Variants in FAM118B observed in about 807,000 individuals in gnomAD.
FAM118B encodes protein FAM118B.
A neutral mutation model predicts 38.5 loss-of-function variants in FAM118B; 24 were observed. The observed-to-expected ratio is 0.62, with a 90% CI of 0.45 to 0.88. FAM118B has a LOEUF of 0.88. FAM118B is among the 40% of genes least tolerant of loss of function. The pLI is 0.00. For synonymous variants in FAM118B, 138 were observed against 156.3 expected (o/e 0.88, Z 0.87); for missense variants, 334 against 420.0 (o/e 0.80, Z 1.79).
intron 3 of FAM118B, among the ~76,000 whole-genome samples, chr11:126,237,462 T>C (rs1277070779): frequency 6.9e-6 from 1 of 145,574 alleles, no homozygotes; most frequent in Non-Finnish European, 1.5e-5. Flanking sequence ...GATCTCAAAC[T>C]CCTGACCTCA....
chr11:126,212,994 G>C (rs532087932), intron 1 of FAM118B, among the ~76,000 whole-genome samples: 1 of 152,298 alleles, frequency 6.6e-6, no homozygotes, highest in African/African-American at 2.4e-5. Flanking sequence ...AGGAAAACTA[G>C]TTACAATCTA....
chr11:126,249,279 A>G (rs1025007461), intron 4 of FAM118B, among the ~76,000 whole-genome samples: 5 of 152,230 alleles, frequency 3.3e-5, no homozygotes, highest in African/African-American at 1.2e-4. Context: ...TGCAAAATGC[A>G]AATTTTTAAT....
chr11:126,214,055 A>C (rs1949930041), intron 1 of FAM118B, among the ~76,000 whole-genome samples: 1 of 152,176 alleles, frequency 6.6e-6, no homozygotes, highest in Non-Finnish European at 1.5e-5. Context: ...TCTCAGTATA[A>C]AGAATTTATG....
At chr11:126,241,681 G>A (rs1028230674) in intron 4 of FAM118B, among the ~76,000 whole-genome samples, 1 of 151,898 alleles carries the variant, frequency 6.6e-6, no homozygotes, top group Non-Finnish European at 1.5e-5. Flanking sequence ...TCCTGAGTAG[G>A]TGGGATTACA....
chr11:126,214,490 GTTTTTTTTTTTTGTTTTTTTTTTGTT>G (rs1949944256), intron 1 of FAM118B: 2 of 25,814 alleles, frequency 7.7e-5, no homozygotes, highest in African/African-American at 2.8e-4. Context: ...TTTTGTTTCT[GTTTTTTTTTTTTGTTTTTTTTTTGTT>G]TTTTTTTTTT....
chr11:126,224,761 G>T (rs1052146615), intron 1 of FAM118B, among the ~76,000 whole-genome samples: 1 of 152,234 alleles, frequency 6.6e-6, no homozygotes, highest in African/African-American at 2.4e-5. Flanking sequence ...TTGAGGAACA[G>T]TGAAGAGGCC....
At chr11:126,248,358 CTTTT>C (rs1167017613) in intron 4 of FAM118B, among the ~76,000 whole-genome samples, 10 of 36,966 alleles carry the variant, frequency 2.7e-4, no homozygotes, top group African/African-American at 1.2e-3. Flanking sequence ...TAGTAGTTGA[CTTTT>C]TTTTTTTTTT....
intron 2 of FAM118B, among the ~76,000 whole-genome samples, chr11:126,234,115 C>T (rs1950241946): frequency 6.6e-6 from 1 of 152,182 alleles, no homozygotes; most frequent in Non-Finnish European, 1.5e-5. Flanking sequence ...TCTAATAAAA[C>T]AGTAAACTTG....
upstream of FAM118B, chr11:126,211,770 C>T (rs1949880043): frequency 9.9e-7 from 1 of 1,013,520 alleles, no homozygotes; most frequent in Non-Finnish European, 1.4e-6. Context: ...ACGGTGCGCG[C>T]TCAGTGCGGC....
At chr11:126,231,009 A>T (rs981909279) in intron 2 of FAM118B, among the ~76,000 whole-genome samples, 3 of 152,006 alleles carry the variant, frequency 2.0e-5, no homozygotes, top group African/African-American at 7.2e-5. Flanking sequence ...TTCCTTTTTC[A>T]TCCACCAGAG....
At chr11:126,242,999 C>G (rs144249715) in intron 4 of FAM118B, among the ~76,000 whole-genome samples, 1 of 152,326 alleles carries the variant, frequency 6.6e-6, no homozygotes, top group Non-Finnish European at 1.5e-5. Flanking sequence ...AACAAAATGT[C>G]TGTCCATGCA....
intron 3 of FAM118B, among the ~76,000 whole-genome samples, chr11:126,239,157 C>T (rs1418018237): frequency 6.6e-6 from 1 of 151,614 alleles, no homozygotes; most frequent in Non-Finnish European, 1.5e-5. Context: ...CTTTGTTTGG[C>T]AGAGATGGGG....
In FAM118B at chr11:126,255,038, TTTA is replaced by T. The variant is rs1321897344; in HGVS notation, c.696+609_696+611del. ...ATTAGTACCCTTTATCATCATTTGG[TTTA>T]TTAATAGCCCTCTCTGTGTCAGAAA... On this transcript the variant is annotated intron_variant, in intron 6 of 8. Transcript: ENST00000533050. This position sits in a 1 kb window ranked among gnomAD's most constrained non-coding sequence, Gnocchi z 4.6. Among the ~76,000 whole-genome samples the T allele has an allele frequency of 2.0e-5, 3 of 152,204 alleles. No individual in the cohort carries two copies. Among genetic ancestry groups the T allele is most frequent in the African/African-American group, 7.2e-5 (3 of 41,462 alleles).
At chr11:126,238,972 C>CT (rs533350695) in intron 3 of FAM118B, among the ~76,000 whole-genome samples, 23,211 of 129,796 alleles carry the variant, frequency 0.18, 2,350 homozygotes, top group Non-Finnish European at 0.24. Context: ...AAGTGGAAGT[C>CT]TTTTTTTTTT....
rs1372518044 is a variant in FAM118B, at chr11:126,255,160, C to A, written c.696+727C>A. The stretch of plus-strand genomic sequence containing the variant: ...TGGCAATGGGCTTATATTGAATTAA[C>A]CACATTTATTCACACTTACTCTTTG... On this transcript the variant is annotated intron_variant, in intron 6 of 8. Transcript: ENST00000533050. The surrounding 1 kb of genome is among the most constrained non-coding windows in gnomAD (Gnocchi z 4.6). Among the ~76,000 whole-genome samples, 1 of 152,196 alleles carries A rather than the reference C, an allele frequency of 6.6e-6. No individual in the cohort carries two copies.
chr11:126,244,482 TA>T lies in FAM118B; in HGVS notation c.339+3442del, dbSNP rs1950396768. ...TTCTTCCACTTGGCATCAAAAATAG[TA>T]AAATAGCTAGGAATAAATTTAACGA... On this transcript the variant is annotated intron_variant, in intron 4 of 8. Transcript: ENST00000533050. This position sits in a 1 kb window ranked among gnomAD's most constrained non-coding sequence, Gnocchi z 4.5. Among the ~76,000 whole-genome samples, 1 of 152,160 alleles carries T rather than the reference TA, an allele frequency of 6.6e-6. No homozygotes were observed. Among genetic ancestry groups the T allele is most frequent in the Non-Finnish European group, 1.5e-5 (1 of 68,036 alleles).
chr11:126,244,747 G>A lies in FAM118B; in HGVS notation c.339+3703G>A, dbSNP rs936221943. Among the ~76,000 whole-genome samples the A allele has an allele frequency of 2.6e-5, 4 of 152,120 alleles. No individual in the cohort carries two copies. Among genetic ancestry groups the A allele is most frequent in the African/African-American group, 4.8e-5 (2 of 41,408 alleles). On this transcript the variant is annotated intron_variant, in intron 4 of 8. Transcript: ENST00000533050. This position sits in a 1 kb window ranked among gnomAD's most constrained non-coding sequence, Gnocchi z 4.5. ...TGAACCTGGGAGCAGAGGTTGCAGC[G>A]AGCCAGGATCCCTCCACTGCACTCC...
At chr11:126,223,062 T>C (rs1950085457) in intron 1 of FAM118B, among the ~76,000 whole-genome samples, 1 of 108,966 alleles carries the variant, frequency 9.2e-6, no homozygotes. Flanking sequence ...AATATCACTC[T>C]GAGGAAAGGC....
chr11:126,261,912 A>G (rs1950709054), intron 8 of FAM118B, among the ~76,000 whole-genome samples: 2 of 152,312 alleles, frequency 1.3e-5, no homozygotes, highest in South Asian at 4.1e-4. Flanking sequence ...GCTTGAGCCC[A>G]GTGAGCTGAT....
Sources: allele counts gnomAD v4.1 joint callset (sites outside exome capture counted in the v4.1 genomes callset), GRCh38; gene constraint gnomAD v4.1.1; non-coding constraint Gnocchi (gnomAD v3.1); transcripts MANE v1.5; gene names NCBI Gene and HGNC (gene_info 2026-07-23, HGNC 2026-07-21).